The following ATP6V1E1 variants were observed in gnomAD, a reference collection of about 807,000 sequenced individuals.
ATP6V1E1 encodes the protein V-type proton ATPase subunit E 1.
In ATP6V1E1, 21 loss-of-function variants were observed where a neutral mutation model predicts 35.2. The observed-to-expected ratio is 0.60, with a 90% CI of 0.42 to 0.86. ATP6V1E1 has a LOEUF of 0.86. ATP6V1E1 is among the 40% of genes least tolerant of loss of function. The probability of loss-of-function intolerance (pLI) is 0.00; values close to 1 mark genes in which losing one functional copy is unlikely to be tolerated. For missense variants in ATP6V1E1, 183 were observed against 272.6 expected, an observed-to-expected ratio of 0.67 and a Z score of 2.32; for synonymous variants, 83 against 87.8, an observed-to-expected ratio of 0.95 and a Z score of 0.30.
At chr22:17,611,399 C>T (rs140989543) in intron 4 of ATP6V1E1, among the ~76,000 whole-genome samples, 47 of 152,298 alleles carry the variant, frequency 3.1e-4, no homozygotes, top group African/African-American at 1.0e-3. Context: ...AGTTTCAAAG[C>T]AGATAAAGCA....
intron 1 of ATP6V1E1, among the ~76,000 whole-genome samples, chr22:17,626,687 C>A (rs987262949): frequency 6.6e-6 from 1 of 151,958 alleles, no homozygotes; most frequent in Non-Finnish European, 1.5e-5. Flanking sequence ...TATGCCAGCA[C>A]GCCCCACTAA....
At chr22:17,603,351 G>C (rs142139015) in intron 4 of ATP6V1E1, among the ~76,000 whole-genome samples, 1 of 149,552 alleles carries the variant, frequency 6.7e-6, no homozygotes, top group Non-Finnish European at 1.5e-5. Flanking sequence ...GTGAGACCTC[G>C]TCTCTGTAAA....
intron 6 of ATP6V1E1, 66 bp from the exon 7 acceptor site, chr22:17,598,354 CA>C (rs1257652204): frequency 7.9e-7 from 1 of 1,271,186 alleles, no homozygotes; most frequent in Non-Finnish European, 1.1e-6. Flanking sequence ...AAAAACTCAA[CA>C]GACTATACAA....
At chr22:17,624,346 G>T (rs1249371572) in intron 1 of ATP6V1E1, among the ~76,000 whole-genome samples, 1 of 152,158 alleles carries the variant, frequency 6.6e-6, no homozygotes, top group East Asian at 1.9e-4. Context: ...ACGAGGTCAG[G>T]AGTTCGAGAC....
At position 17,604,551 on chromosome 22, in the gene ATP6V1E1, G is replaced by A. The variant is rs1313099141; in HGVS notation, c.277-3370C>T. On this transcript the variant is annotated intron_variant, in intron 4 of 8. Coordinates refer to ENST00000253413, the MANE Select transcript of ATP6V1E1 (RefSeq NM_001696.4). ...CTTTTTTTTTTTGAGACGGAGTCTC[G>A]CTTTGTCGCCCAGGCTGGAGTGCAG... is the stretch of plus-strand genomic sequence containing the variant. Among the ~76,000 whole-genome samples, 6 of 148,054 alleles carry A rather than the reference G, an allele frequency of 4.1e-5. No individual in the cohort carries two copies. In the South Asian group the frequency reaches 1.1e-3, roughly 26 times the overall value.
chr22:17,606,971 T>G (rs1429832714), intron 4 of ATP6V1E1, among the ~76,000 whole-genome samples: 1 of 152,180 alleles, frequency 6.6e-6, no homozygotes, highest in African/African-American at 2.4e-5. Context: ...CTGATGCTTC[T>G]CAGTTTTTTT....
At chr22:17,608,758 C>A (rs2057798434) in intron 4 of ATP6V1E1, among the ~76,000 whole-genome samples, 1 of 152,206 alleles carries the variant, frequency 6.6e-6, no homozygotes, top group South Asian at 2.1e-4. Flanking sequence ...TGATGGATTA[C>A]TGTATTTTGG....
At chr22:17,625,867 A>T (rs2057901602) in intron 1 of ATP6V1E1, among the ~76,000 whole-genome samples, 1 of 125,736 alleles carries the variant, frequency 8.0e-6, no homozygotes, top group South Asian at 2.3e-4. Context: ...TATGGCACTT[A>T]AAAAAAAAAA....
chr22:17,625,230 T>C (rs1017338284), intron 1 of ATP6V1E1, among the ~76,000 whole-genome samples: 1 of 152,068 alleles, frequency 6.6e-6, no homozygotes, highest in Admixed American at 6.6e-5. Context: ...AAGAATAAAA[T>C]GAAAAGACAC....
chr22:17,598,411 C>G (rs1405891770), intron 6 of ATP6V1E1, 123 bp from the exon 7 acceptor site: 3 of 759,164 alleles, frequency 4.0e-6, no homozygotes, highest in Non-Finnish European at 4.4e-6. Context: ...AGAGGCACCG[C>G]TGGTGGGAAT....
intron 1 of ATP6V1E1, among the ~76,000 whole-genome samples, chr22:17,621,184 C>T (rs935170070): frequency 6.6e-6 from 1 of 152,098 alleles, no homozygotes; most frequent in Non-Finnish European, 1.5e-5. Context: ...GTCTTCCTGC[C>T]GCTATTCTTG....
Position 17,592,423 on chromosome 22 carries a change from T to C in ATP6V1E1, c.*251A>G. 2.0e-6 allele frequency: 1 copy of C among 492,034 alleles called. No homozygotes were observed. Among genetic ancestry groups the C allele is most frequent in the South Asian group, 2.3e-5 (1 of 42,864 alleles). 30.5% of individuals were successfully genotyped at this position (492,034 alleles called of 1,614,324 possible). ...AACCACCATCTGCCCCCTCCCCTAG[T>C]GCTGCAGAACCGGCTGGACACTGTC... On this transcript the variant is annotated 3_prime_UTR_variant, in exon 9 of 9. Transcript: ENST00000253413.
Position 17,613,752 on chromosome 22 carries a change from G to C in ATP6V1E1, c.100-432C>G, listed in dbSNP as rs187630148. 3.7e-3 allele frequency among the ~76,000 whole-genome samples: 554 copies of C among 151,222 alleles called. 4 individuals carry two copies. The highest frequency in any genetic ancestry group is 4.8e-3 in the Non-Finnish European group (326 of 67,804). On this transcript the variant is annotated intron_variant, in intron 2 of 8. Transcript: ENST00000253413. ...GGAGGCCGAGGCGGGTGGATCACGA[G>C]GTCAGGAGATCGAGATCATCCTGGC...
intron 4 of ATP6V1E1, among the ~76,000 whole-genome samples, chr22:17,602,007 T>C (rs1308537935): frequency 6.6e-6 from 1 of 152,086 alleles, no homozygotes; most frequent in Non-Finnish European, 1.5e-5. Flanking sequence ...CAGGCTCAAG[T>C]GATCTTCCCG....
At chr22:17,606,759 A>G (rs2057788801) in intron 4 of ATP6V1E1, among the ~76,000 whole-genome samples, 1 of 152,142 alleles carries the variant, frequency 6.6e-6, no homozygotes, top group Non-Finnish European at 1.5e-5. Context: ...CATCAGTCCA[A>G]TGAAACTGCT....
At chr22:17,609,197 G>A (rs1366187399) in intron 4 of ATP6V1E1, among the ~76,000 whole-genome samples, 1 of 151,694 alleles carries the variant, frequency 6.6e-6, no homozygotes, top group East Asian at 2.0e-4. Context: ...GTCTCACTCT[G>A]TCGCCCAGGC....
In ATP6V1E1 at chr22:17,613,737, G is replaced by A. The variant is rs189135656; in HGVS notation, c.100-417C>T. On this transcript the variant is annotated intron_variant, in intron 2 of 8. Coordinates refer to ENST00000253413, the MANE Select transcript of ATP6V1E1 (RefSeq NM_001696.4). ...AATCCCAATACTTTGGGAGGCCGAG[G>A]CGGGTGGATCACGAGGTCAGGAGAT... 1.0e-3 allele frequency among the ~76,000 whole-genome samples: 152 copies of A among 152,122 alleles called. 1 individual carries two copies. In the Middle Eastern group the frequency reaches 0.02, roughly 20 times the overall value.
chr22:17,597,865 T>C (rs951147921), intron 7 of ATP6V1E1: 1 of 256,540 alleles, frequency 3.9e-6, no homozygotes, highest in Non-Finnish European at 7.6e-6. Context: ...ATAGGGAGTC[T>C]AGCTCCCTAG....
chr22:17,610,027 A>C (rs1375812102), intron 4 of ATP6V1E1, among the ~76,000 whole-genome samples: 1 of 152,054 alleles, frequency 6.6e-6, no homozygotes, highest in Non-Finnish European at 1.5e-5. Context: ...GCTACATAGG[A>C]GGCTGAGGTG....
Sources: gnomAD v4.1 joint callset for allele counts (sites outside exome capture counted in the v4.1 genomes callset) on GRCh38, gnomAD v4.1.1 for gene constraint, MANE v1.5 for transcripts, NCBI Gene and HGNC (gene_info 2026-07-23, HGNC 2026-07-21) for gene names.